The following KLF12 variants were observed in gnomAD, a reference collection of about 807,000 sequenced individuals.
KLF12 encodes the protein Krueppel-like factor 12.
In KLF12, 9 loss-of-function variants were observed where a neutral mutation model predicts 37.8. The ratio of observed to expected loss-of-function variants is 0.24; its 90% CI spans 0.14 to 0.42. KLF12 has a LOEUF of 0.42. KLF12 is among the 10% of genes least tolerant of loss of function. The pLI, the probability that KLF12 is intolerant of heterozygous loss-of-function variation, is 1.00. For synonymous variants in KLF12, 208 were observed against 202.1 expected, an observed-to-expected ratio of 1.03 and a Z score of -0.25; for missense variants, 411 against 516.0, an observed-to-expected ratio of 0.80 and a Z score of 1.97.
chr13:74,241,284 G>A, the KLF12 span, among the ~76,000 whole-genome samples: 6 of 152,204 alleles, frequency 3.9e-5, no homozygotes, highest in South Asian at 1.2e-3. Context: ...ACCCACTTGA[G>A]GAGGCAGTCT....
At chr13:74,223,721 A>G in the KLF12 span, among the ~76,000 whole-genome samples, 2 of 152,110 alleles carry the variant, frequency 1.3e-5, no homozygotes, top group African/African-American at 4.8e-5. Flanking sequence ...TATTGGATCA[A>G]TATCAGTAAT....
At chr13:74,116,636 A>G (rs1288001758) in intron 1 of KLF12, among the ~76,000 whole-genome samples, 1 of 152,186 alleles carries the variant, frequency 6.6e-6, no homozygotes, top group Non-Finnish European at 1.5e-5. Flanking sequence ...AAAGTATTTT[A>G]ATCTTACAAA....
intron 4 of KLF12, among the ~76,000 whole-genome samples, chr13:73,841,228 G>C (rs1289606259): frequency 6.6e-6 from 1 of 152,082 alleles, no homozygotes; most frequent in Non-Finnish European, 1.5e-5. Flanking sequence ...TCCTAAACGC[G>C]CCTGCTCTTC....
At chr13:74,157,130 C>T in the KLF12 span, among the ~76,000 whole-genome samples, 7 of 152,154 alleles carry the variant, frequency 4.6e-5, no homozygotes, top group Admixed American at 4.6e-4. Context: ...AAGATATAAA[C>T]ATTTAGTGGC....
the KLF12 span, among the ~76,000 whole-genome samples, chr13:74,155,937 T>C: frequency 3.3e-5 from 5 of 152,216 alleles, no homozygotes; most frequent in Non-Finnish European, 7.3e-5. Flanking sequence ...CCTGTTGCAG[T>C]GTCCTAGAAT....
the KLF12 span, among the ~76,000 whole-genome samples, chr13:74,145,486 CAT>C: frequency 4.6e-5 from 7 of 152,154 alleles, no homozygotes; most frequent in African/African-American, 7.2e-5. Context: ...AGATAAGAAA[CAT>C]ATGGCTGTGT....
chr13:73,996,425 G>A (rs746942335), intron 1 of KLF12, among the ~76,000 whole-genome samples: 16 of 152,038 alleles, frequency 1.1e-4, no homozygotes, highest in Admixed American at 8.5e-4. Flanking sequence ...TAATCCAATC[G>A]GTTCCAACTT....
chr13:74,262,410 C>A, the KLF12 span, among the ~76,000 whole-genome samples: 68 of 152,242 alleles, frequency 4.5e-4, no homozygotes, highest in Non-Finnish European at 7.9e-4. Flanking sequence ...GAATAGCTGT[C>A]CCTCAGTATC....
rs57156299 is a variant in KLF12, at chr13:74,082,163, T to TAAAAAAAAAAAAAAA, written c.-32+51561_-32+51575dup. Among the ~76,000 whole-genome samples, 293 of 114,664 alleles carry TAAAAAAAAAAAAAAA rather than the reference T, an allele frequency of 2.6e-3. 5 individuals are homozygous for TAAAAAAAAAAAAAAA. Among genetic ancestry groups the TAAAAAAAAAAAAAAA allele is most frequent in the African/African-American group, 5.7e-3 (162 of 28,296 alleles). The allele number at this position is 114,664 out of a possible 152,430, so 75.2% of individuals were successfully genotyped here. A position where few individuals can be genotyped will look rare whatever the true frequency, so the allele number is the denominator to read the frequency against. ...GGCAACATAGCAAGACCCTGTCTCTTAAAAAAAAAAAAAAACAAAGTTAGC... is the reference window on the plus strand; with the variant it reads ...GGCAACATAGCAAGACCCTGTCTCTTAAAAAAAAAAAAAAAAAAAAAAAAAAAAAACAAAGTTAGC... On this transcript the variant is annotated intron_variant, in intron 1 of 7. Transcript: ENST00000377669.
intron 1 of KLF12, among the ~76,000 whole-genome samples, chr13:74,019,718 C>T (rs997015397): frequency 1.3e-5 from 2 of 152,270 alleles, no homozygotes; most frequent in South Asian, 2.1e-4. Flanking sequence ...TAAAAATGTA[C>T]TCCTTTATTT....
rs565480852 is a variant in KLF12, at chr13:74,000,127, C to T, written c.-31-5074G>A. On this transcript the variant is annotated intron_variant, in intron 1 of 7. Coordinates refer to ENST00000377669, the MANE Select transcript of KLF12 (RefSeq NM_007249.5). ...GTATACCAGAATGTCTGGTATATAACGGGTATTCAAGAAATGTCACTCCTA... is the reference window on the plus strand; with the variant it reads ...GTATACCAGAATGTCTGGTATATAATGGGTATTCAAGAAATGTCACTCCTA... 7.9e-5 allele frequency among the ~76,000 whole-genome samples: 12 copies of T among 152,182 alleles called. 1 individual carries two copies. In the South Asian group the frequency reaches 1.2e-3, roughly 16 times the overall value.
chr13:73,745,734 A>C (rs2137924675), intron 6 of KLF12, among the ~76,000 whole-genome samples: 1 of 152,314 alleles, frequency 6.6e-6, no homozygotes, highest in South Asian at 2.1e-4. Flanking sequence ...AAAGCTATGC[A>C]TTATTTCAGA....
chr13:74,274,367 T>TA, the KLF12 span, among the ~76,000 whole-genome samples: 9 of 152,212 alleles, frequency 5.9e-5, no homozygotes, highest in Non-Finnish European at 1.3e-4. Context: ...TGCTTCTTCT[T>TA]ACATTACTTA....
the KLF12 span, among the ~76,000 whole-genome samples, chr13:74,186,155 C>T: frequency 2.0e-5 from 3 of 152,204 alleles, no homozygotes; most frequent in Middle Eastern, 6.8e-3. Context: ...ACAAATAACT[C>T]AGAAATACAA....
At chr13:74,293,024 G>T in the KLF12 span, among the ~76,000 whole-genome samples, 1 of 152,078 alleles carries the variant, frequency 6.6e-6, no homozygotes, top group Non-Finnish European at 1.5e-5. Context: ...GGGTACAACA[G>T]GCACATAGGT....
At chr13:73,782,131 G>T (rs767254464) in intron 5 of KLF12, among the ~76,000 whole-genome samples, 3 of 152,180 alleles carry the variant, frequency 2.0e-5, no homozygotes, top group Non-Finnish European at 4.4e-5. Context: ...AGACCAGACT[G>T]CCGGGGTTCA....
At chr13:73,972,333 T>G (rs1891371730) in intron 2 of KLF12, among the ~76,000 whole-genome samples, 1 of 152,052 alleles carries the variant, frequency 6.6e-6, no homozygotes, top group Admixed American at 6.5e-5. Flanking sequence ...AAGAACGTCT[T>G]TAAAACAATC....
chr13:73,780,303 T>C (rs965493562), intron 5 of KLF12, among the ~76,000 whole-genome samples: 2 of 152,288 alleles, frequency 1.3e-5, no homozygotes, highest in East Asian at 3.9e-4. Context: ...GAAAAGTTCC[T>C]TAATGGCGAT....
the KLF12 span, among the ~76,000 whole-genome samples, chr13:74,261,197 T>C: frequency 6.6e-6 from 1 of 152,198 alleles, no homozygotes; most frequent in Non-Finnish European, 1.5e-5. Context: ...TGAGAAGACC[T>C]AGTGGTTAAC....
Sources: gnomAD v4.1 joint callset for allele counts (sites outside exome capture counted in the v4.1 genomes callset) on GRCh38, gnomAD v4.1.1 for gene constraint, MANE v1.5 for transcripts, NCBI Gene and HGNC (gene_info 2026-07-23, HGNC 2026-07-21) for gene names.